LRRC20: variants seen among roughly 807,000 people sequenced by gnomAD.
The protein encoded by LRRC20 is leucine-rich repeat-containing protein 20.
In LRRC20, 11 loss-of-function variants were observed where a neutral mutation model predicts 14.4. That is an observed-to-expected ratio of 0.77 (90% CI 0.48 to 1.27). The LOEUF (loss-of-function observed/expected upper bound fraction) is 1.27. Among genes scored for constraint, LRRC20 ranks in the 50% most tolerant of loss-of-function variants. LRRC20 has a pLI of 0.00. For missense variants in LRRC20, 219 were observed against 251.2 expected, an observed-to-expected ratio of 0.87 and a Z score of 0.87; for synonymous variants, 121 against 107.3, an observed-to-expected ratio of 1.13 and a Z score of -0.79.
chr10:70,311,704 G>C (rs1841674350), intron 4 of LRRC20, among the ~76,000 whole-genome samples: 2 of 152,130 alleles, frequency 1.3e-5, no homozygotes, highest in African/African-American at 4.8e-5. Context: ...GGCTTCTGTT[G>C]CAAGGCCTCA....
intron 3 of LRRC20, among the ~76,000 whole-genome samples, chr10:70,328,294 GTTTT>G (rs1349610930): frequency 2.7e-5 from 4 of 147,450 alleles, no homozygotes; most frequent in Admixed American, 6.8e-5. Flanking sequence ...TTTGTTTTTT[GTTTT>G]TTGGCGTTTT....
chr10:70,337,083 G>C (rs10999277), intron 3 of LRRC20, among the ~76,000 whole-genome samples: 1 of 152,162 alleles, frequency 6.6e-6, no homozygotes, highest in East Asian at 1.9e-4. Flanking sequence ...CAGGGCCTTG[G>C]GCCTTGCAGA....
chr10:70,301,921 T>C (rs1841205017), intron 4 of LRRC20, among the ~76,000 whole-genome samples: 1 of 152,202 alleles, frequency 6.6e-6, no homozygotes, highest in African/African-American at 2.4e-5. Flanking sequence ...TACTATGTTG[T>C]CCATATATAT....
chr10:70,379,989 C>T (rs958580091), intron 1 of LRRC20, among the ~76,000 whole-genome samples: 1 of 152,194 alleles, frequency 6.6e-6, no homozygotes, highest in Non-Finnish European at 1.5e-5. Context: ...GCTGGTCTGA[C>T]AGGACGCAGA....
chr10:70,300,273 TG>T lies in LRRC20; in HGVS notation c.*1080del. The T allele has an allele frequency of 1.2e-6, 1 of 806,152 alleles. No homozygotes were observed. The highest frequency in any genetic ancestry group is 1.5e-6 in the Non-Finnish European group (1 of 666,302). The allele number at this position is 806,152 out of a possible 1,614,324, so 49.9% of individuals were successfully genotyped here. A position where few individuals can be genotyped will look rare whatever the true frequency, so the allele number is the denominator to read the frequency against. ...TAGGGGACCAACCATCCCCACTTGCTGGGTACTGTCCCAGTTTTAGCATTGA... is the reference window on the plus strand; with the variant it reads ...TAGGGGACCAACCATCCCCACTTGCTGGTACTGTCCCAGTTTTAGCATTGA... On this transcript the variant is annotated 3_prime_UTR_variant, in exon 5 of 5. Coordinates refer to ENST00000446961, the MANE Select transcript of LRRC20 (RefSeq NM_001278212.2).
At chr10:70,365,233 T>G (rs1408024277) in intron 2 of LRRC20, among the ~76,000 whole-genome samples, 1 of 152,112 alleles carries the variant, frequency 6.6e-6, no homozygotes, top group Non-Finnish European at 1.5e-5. Flanking sequence ...CTAATTTTTG[T>G]ATTTTTAGCA....
chr10:70,364,772 G>A (rs77881380), intron 2 of LRRC20, among the ~76,000 whole-genome samples: 5,748 of 152,214 alleles, frequency 0.038, 165 homozygotes, highest in East Asian at 0.056. Context: ...CACCCCTCGC[G>A]CTAGCCTTGG....
intron 2 of LRRC20, among the ~76,000 whole-genome samples, chr10:70,358,343 G>T (rs1843605503): frequency 6.6e-6 from 1 of 152,208 alleles, no homozygotes; most frequent in South Asian, 2.1e-4. Context: ...AGCTGCGAGA[G>T]CCACACCCGC....
At chr10:70,317,387 G>T (rs1476678886) in intron 4 of LRRC20, among the ~76,000 whole-genome samples, 3 of 149,782 alleles carry the variant, frequency 2.0e-5, no homozygotes, top group African/African-American at 7.4e-5. Flanking sequence ...TGTTGCTGTT[G>T]TTGAGACAAG....
chr10:70,323,722 C>T, intron 4 of LRRC20, 141 bp downstream of exon 4: 1 of 928,500 alleles, frequency 1.1e-6, no homozygotes, highest in South Asian at 1.7e-5. Flanking sequence ...TCTACCTTCC[C>T]AGGCCCCATG....
intron 2 of LRRC20, among the ~76,000 whole-genome samples, chr10:70,372,793 GT>G (rs1844352691): frequency 1.3e-5 from 2 of 152,024 alleles, no homozygotes; most frequent in South Asian, 4.1e-4. Flanking sequence ...ACGCTCCATT[GT>G]TGATGCTACA....
At chr10:70,359,860 C>T (rs1270331247) in intron 2 of LRRC20, among the ~76,000 whole-genome samples, 1 of 152,082 alleles carries the variant, frequency 6.6e-6, no homozygotes, top group African/African-American at 2.4e-5. Flanking sequence ...ATGTCCTCAA[C>T]TAATGTAATT....
chr10:70,325,238 T>G (rs377155554), intron 3 of LRRC20, among the ~76,000 whole-genome samples: 6 of 152,316 alleles, frequency 3.9e-5, no homozygotes, highest in African/African-American at 1.4e-4. Context: ...ATGCCTTGTA[T>G]GGCCATCTTG....
At chr10:70,367,374 A>AAAGAAC (rs1460546577) in intron 2 of LRRC20, among the ~76,000 whole-genome samples, 1 of 151,858 alleles carries the variant, frequency 6.6e-6, no homozygotes, top group Non-Finnish European at 1.5e-5. Context: ...AGAAAAAGAA[A>AAAGAAC]ACTTTGCTTC....
At chr10:70,351,187 A>G (rs1414821875) in intron 2 of LRRC20, among the ~76,000 whole-genome samples, 2 of 9,724 alleles carry the variant, frequency 2.1e-4, no homozygotes, top group Non-Finnish European at 6.5e-4. Flanking sequence ...TCTCAGAAAG[A>G]AAAAAAAAAA....
intron 2 of LRRC20, among the ~76,000 whole-genome samples, chr10:70,344,862 C>T (rs376770262): frequency 1.3e-5 from 2 of 152,138 alleles, no homozygotes; most frequent in South Asian, 2.1e-4. Context: ...CCACGGCACC[C>T]GGCCCACAAA....
At chr10:70,374,467 C>T (rs1194709287) in intron 2 of LRRC20, among the ~76,000 whole-genome samples, 3 of 151,974 alleles carry the variant, frequency 2.0e-5, no homozygotes, top group Non-Finnish European at 4.4e-5. Flanking sequence ...TCTCCTGCCT[C>T]AGCCTCCCAA....
At chr10:70,371,691 G>T (rs1285730866) in intron 2 of LRRC20, among the ~76,000 whole-genome samples, 1 of 152,148 alleles carries the variant, frequency 6.6e-6, no homozygotes, top group Non-Finnish European at 1.5e-5. Flanking sequence ...CTAAGGGGCA[G>T]TTTGCAACTC....
intron 4 of LRRC20, among the ~76,000 whole-genome samples, chr10:70,313,290 T>G (rs116622053): frequency 0.017 from 2,532 of 152,296 alleles, 98 homozygotes; most frequent in African/African-American, 0.058. Context: ...CAGGCCTCTC[T>G]TAGTTCCTCT....
Sources: gnomAD v4.1 joint callset for allele counts (sites outside exome capture counted in the v4.1 genomes callset) on GRCh38, gnomAD v4.1.1 for gene constraint, MANE v1.5 for transcripts, NCBI Gene and HGNC (gene_info 2026-07-23, HGNC 2026-07-21) for gene names.